Variants in CAMTA1 observed in about 807,000 individuals in gnomAD.
CAMTA1 encodes the protein calmodulin-binding transcription activator 1.
CAMTA1 carries 27 observed loss-of-function variants against 170.9 expected under a neutral mutation model. The observed-to-expected ratio is 0.16, with a 90% CI of 0.12 to 0.22. The LOEUF (loss-of-function observed/expected upper bound fraction) is 0.22, where lower values mean the gene tolerates loss of function less well. CAMTA1 is among the 10% of genes least tolerant of loss of function. The probability of loss-of-function intolerance (pLI) is 1.00; values close to 1 mark genes in which losing one functional copy is unlikely to be tolerated. For missense variants in CAMTA1, 1,619 were observed against 2,217.2 expected, an observed-to-expected ratio of 0.73 and a Z score of 5.42; for synonymous variants, 833 against 891.5, an observed-to-expected ratio of 0.93 and a Z score of 1.17.
At chr1:7,266,671 C>G (rs1439661562) in intron 5 of CAMTA1, among the ~76,000 whole-genome samples, 1 of 152,164 alleles carries the variant, frequency 6.6e-6, no homozygotes, top group Non-Finnish European at 1.5e-5. Flanking sequence ...AATGCATATG[C>G]CTAGATGACA....
rs368665184 is a variant in CAMTA1, at chr1:7,745,041, G to A, written c.4370+19G>A. The A allele has an allele frequency of 3.8e-6, 6 of 1,599,190 alleles. No individual in the cohort carries two copies. The highest frequency in any genetic ancestry group is 5.1e-6 in the Non-Finnish European group (6 of 1,172,680). On this transcript the variant is annotated intron_variant, in intron 17 of 22. Coordinates refer to ENST00000303635, the MANE Select transcript of CAMTA1 (RefSeq NM_015215.4). ...AGATCCGGTGAGTAAAGTTACGGAG[G>A]TCACTACCCAGCATAGATTCCCGGA...
intron 5 of CAMTA1, among the ~76,000 whole-genome samples, chr1:7,258,362 G>A (rs1383776243): frequency 1.3e-5 from 2 of 152,320 alleles, no homozygotes; most frequent in East Asian, 1.9e-4. Flanking sequence ...TTGGTGTGCT[G>A]AACTTGTACT....
At position 6,995,295 on chromosome 1, in the gene CAMTA1, C is replaced by CTTTTTTTTT. The variant is rs765139922; in HGVS notation, c.235-95993_235-95985dup. ...TCCTTTAAAATCTTTTTTTTCTTTT[C>CTTTTTTTTT]TTTTTTTTTTTTTTTTTTTTTTTTG... On this transcript the variant is annotated intron_variant, in intron 3 of 22. Coordinates refer to ENST00000303635, the MANE Select transcript of CAMTA1 (RefSeq NM_015215.4). Among the ~76,000 whole-genome samples the CTTTTTTTTT allele has an allele frequency of 5.5e-3, 335 of 60,634 alleles. 31 individuals carry two copies. Among genetic ancestry groups the CTTTTTTTTT allele is most frequent in the African/African-American group, 8.1e-3 (119 of 14,622 alleles). 39.8% of individuals were successfully genotyped at this position (60,634 alleles called of 152,430 possible). A position where few individuals can be genotyped will look rare whatever the true frequency, so the allele number is the denominator to read the frequency against.
At chr1:6,996,713 G>GAA (rs1013041278) in intron 3 of CAMTA1, among the ~76,000 whole-genome samples, 1 of 149,074 alleles carries the variant, frequency 6.7e-6, no homozygotes, top group African/African-American at 2.5e-5. Flanking sequence ...AAGAAAGAAA[G>GAA]AAAAAAAGTC....
intron 6 of CAMTA1, among the ~76,000 whole-genome samples, chr1:7,477,149 A>C (rs2149597277): frequency 6.6e-6 from 1 of 152,124 alleles, no homozygotes; most frequent in African/African-American, 2.4e-5. Flanking sequence ...ACACTGAGAA[A>C]CTCACTCAGT....
chr1:7,688,045 G>A (rs1364220572), intron 11 of CAMTA1, among the ~76,000 whole-genome samples: 1 of 113,148 alleles, frequency 8.8e-6, no homozygotes, highest in African/African-American at 3.5e-5. Flanking sequence ...GTCTTGCTCT[G>A]TCGTTCAGGC....
At chr1:7,458,389 C>A (rs2093010087) in intron 5 of CAMTA1, among the ~76,000 whole-genome samples, 1 of 152,180 alleles carries the variant, frequency 6.6e-6, no homozygotes, top group Admixed American at 6.5e-5. Context: ...TACTACTCTT[C>A]CTTCCAGGAG....
At chr1:7,172,838 C>T (rs147880068) in intron 4 of CAMTA1, among the ~76,000 whole-genome samples, 14 of 152,294 alleles carry the variant, frequency 9.2e-5, no homozygotes, top group African/African-American at 2.6e-4. Context: ...GGGGCAGTGA[C>T]GCAAATGCAC....
intron 1 of CAMTA1, among the ~76,000 whole-genome samples, chr1:6,816,977 C>G (rs1645899858): frequency 6.6e-6 from 1 of 152,116 alleles, no homozygotes; most frequent in African/African-American, 2.4e-5. Flanking sequence ...TCAGTTTTAA[C>G]TTTGGTTTCT....
chr1:7,764,664 A>C (rs2097003613), intron 22 of CAMTA1, among the ~76,000 whole-genome samples: 1 of 152,158 alleles, frequency 6.6e-6, no homozygotes, highest in Non-Finnish European at 1.5e-5. Flanking sequence ...GAGTATTATC[A>C]GGTTTTACTT....
At chr1:7,025,646 G>C (rs1295467646) in intron 3 of CAMTA1, among the ~76,000 whole-genome samples, 4 of 152,164 alleles carry the variant, frequency 2.6e-5, no homozygotes, top group Non-Finnish European at 5.9e-5. Flanking sequence ...AAGGGTGTGG[G>C]GGGAGGCAAA....
chr1:7,205,373 G>C (rs556088221), intron 4 of CAMTA1, among the ~76,000 whole-genome samples: 3 of 152,200 alleles, frequency 2.0e-5, no homozygotes, highest in Non-Finnish European at 4.4e-5. Context: ...AAAGTGTTGA[G>C]ATTACAGACG....
intron 5 of CAMTA1, among the ~76,000 whole-genome samples, chr1:7,429,192 A>AT (rs2092027949): frequency 6.6e-6 from 1 of 152,220 alleles, no homozygotes; most frequent in African/African-American, 2.4e-5. Flanking sequence ...CTCTCTGAGC[A>AT]TCCGTTTCCA....
intron 5 of CAMTA1, among the ~76,000 whole-genome samples, chr1:7,268,393 G>T (rs1669231954): frequency 6.6e-6 from 1 of 152,136 alleles, no homozygotes; most frequent in African/African-American, 2.4e-5. Context: ...ACCACTGTGG[G>T]CCAGAAGCTA....
At chr1:7,247,551 C>T (rs1666008946) in intron 4 of CAMTA1, among the ~76,000 whole-genome samples, 1 of 152,180 alleles carries the variant, frequency 6.6e-6, no homozygotes, top group African/African-American at 2.4e-5. Context: ...AAAACCCATC[C>T]ACAGAAGAAG....
Position 7,467,740 on chromosome 1 carries a change from C to T in CAMTA1, c.439-90C>T, listed in dbSNP as rs1575480656. ...CTGGGCCGCTGCCAGGCGGCTGTGG[C>T]CCCTTCTTGCTCCTTCTCTGTTGCG... On this transcript the variant is annotated intron_variant, in intron 5 of 22. Transcript: ENST00000303635. 1.2e-5 allele frequency: 14 copies of T among 1,216,012 alleles called. No homozygotes were observed. The East Asian group carries it at 3.0e-4, about 26-fold the overall frequency. 75.3% of individuals were successfully genotyped at this position (1,216,012 alleles called of 1,614,324 possible).
chr1:7,708,427 G>A (rs1274712385), intron 11 of CAMTA1, among the ~76,000 whole-genome samples: 1 of 152,192 alleles, frequency 6.6e-6, no homozygotes, highest in Non-Finnish European at 1.5e-5. Flanking sequence ...GAGCCCAGGA[G>A]TTCAAGGCTG....
intron 6 of CAMTA1, among the ~76,000 whole-genome samples, chr1:7,579,454 A>C (rs1456876666): frequency 6.6e-6 from 1 of 151,334 alleles, no homozygotes; most frequent in Non-Finnish European, 1.5e-5. Flanking sequence ...AAAAGCTCAG[A>C]GAGTTCAGGA....
rs1038730782 is a variant in CAMTA1 at position 7,137,599 on chromosome 1, G to A, written c.302+46228G>A. 4.6e-5 allele frequency among the ~76,000 whole-genome samples: 7 copies of A among 152,246 alleles called. No individual in the cohort carries two copies. The South Asian group carries it at 8.3e-4, about 18-fold the overall frequency. On this transcript the variant is annotated intron_variant, in intron 4 of 22. Transcript: ENST00000303635. ...ACAATGTCACATGGCTCCCTCTCTC[G>A]CACAAGCATCTCCTGCTGGCCTGCT... is the stretch of plus-strand genomic sequence containing the variant.
Sources: allele counts gnomAD v4.1 joint callset (sites outside exome capture counted in the v4.1 genomes callset), GRCh38; gene constraint gnomAD v4.1.1; transcripts MANE v1.5; gene names NCBI Gene and HGNC (gene_info 2026-07-23, HGNC 2026-07-21).